GLCCI1: variants seen among roughly 807,000 people sequenced by gnomAD.
The protein encoded by GLCCI1 is glucocorticoid-induced transcript 1 protein.
GLCCI1 carries 24 observed loss-of-function variants against 52.2 expected under a neutral mutation model. The observed-to-expected ratio is 0.46, with a 90% CI of 0.33 to 0.65. The LOEUF (loss-of-function observed/expected upper bound fraction) is 0.65. GLCCI1 is among the 30% of genes least tolerant of loss of function. The pLI, the probability that GLCCI1 is intolerant of heterozygous loss-of-function variation, is 0.02. For missense variants in GLCCI1, 704 were observed against 701.5 expected, an observed-to-expected ratio of 1.00 and a Z score of -0.04; for synonymous variants, 310 against 276.5, an observed-to-expected ratio of 1.12 and a Z score of -1.20.
intron 3 of GLCCI1, among the ~76,000 whole-genome samples, chr7:8,053,362 C>T (rs1423646344): frequency 5.5e-5 from 8 of 146,562 alleles, no homozygotes; most frequent in South Asian, 2.1e-4. Context: ...CTCGCACTGT[C>T]GCCCAGGTTG....
intron 3 of GLCCI1, among the ~76,000 whole-genome samples, chr7:8,044,751 A>T (rs1023049156): frequency 2.6e-5 from 4 of 152,224 alleles, no homozygotes; most frequent in Non-Finnish European, 5.9e-5. Flanking sequence ...TGTCAGTAAA[A>T]GCACTTGTAT....
intron 1 of GLCCI1, among the ~76,000 whole-genome samples, chr7:8,000,125 G>A (rs1167220412): frequency 6.6e-6 from 1 of 152,144 alleles, no homozygotes; most frequent in Admixed American, 6.6e-5. Context: ...AAATTTAGAG[G>A]TCAACTGATA....
intron 2 of GLCCI1, among the ~76,000 whole-genome samples, chr7:8,011,109 ACT>A (rs1368735272): frequency 6.6e-6 from 1 of 151,428 alleles, no homozygotes; most frequent in Non-Finnish European, 1.5e-5. Context: ...ACAGAGTGAG[ACT>A]CTGTCTCCTC....
intron 5 of GLCCI1, among the ~76,000 whole-genome samples, chr7:8,060,449 C>T (rs1447499564): frequency 1.3e-5 from 2 of 152,080 alleles, no homozygotes; most frequent in African/African-American, 4.8e-5. Flanking sequence ...TTTTCATCAC[C>T]CCAAAAAGAA....
chr7:7,994,938 AAC>A (rs1269979293), intron 1 of GLCCI1, among the ~76,000 whole-genome samples: 1 of 152,164 alleles, frequency 6.6e-6, no homozygotes, highest in Non-Finnish European at 1.5e-5. Context: ...TTAATACACT[AAC>A]AGTGTTTGTG....
In GLCCI1 at chr7:8,028,525, A is replaced by G. The variant is rs544571888; in HGVS notation, c.696+5956A>G. 3.0e-4 allele frequency among the ~76,000 whole-genome samples: 46 copies of G among 152,260 alleles called. 1 individual carries two copies. The highest frequency in any genetic ancestry group is 1.1e-3 in the African/African-American group (44 of 41,574). ...TCAAAAAAGAAGAAAAACTTCAAAT[A>G]AATAACCTAACAATGCATCTTAAAA... On this transcript the variant is annotated intron_variant, in intron 3 of 7. Transcript: ENST00000223145.
intron 4 of GLCCI1, among the ~76,000 whole-genome samples, chr7:8,059,833 T>C (rs1258682848): frequency 6.6e-6 from 1 of 152,248 alleles, no homozygotes; most frequent in Admixed American, 6.5e-5. Context: ...TCTGCCATTC[T>C]ACTGAACAAG....
At chr7:7,972,463 A>G (rs1041007347) in intron 1 of GLCCI1, among the ~76,000 whole-genome samples, 11 of 152,236 alleles carry the variant, frequency 7.2e-5, no homozygotes, top group Non-Finnish European at 1.5e-4. Context: ...TGCAAGGGCT[A>G]TGGGCATTTC....
intron 1 of GLCCI1, among the ~76,000 whole-genome samples, chr7:7,997,389 G>A (rs1053966771): frequency 1.3e-5 from 2 of 152,124 alleles, no homozygotes; most frequent in African/African-American, 4.8e-5. Flanking sequence ...TAGCCTTAGT[G>A]AACCAATAGC....
chr7:7,969,437 G>C lies in GLCCI1; in HGVS notation c.87G>C (p.Gly29=). The change falls in exon 1 of 8, where the codon GGG becomes GGC. Residue 29 remains glycine (G), a synonymous_variant. Coordinates refer to ENST00000223145, the MANE Select transcript of GLCCI1 (RefSeq NM_138426.4). This position sits in a 1 kb window ranked among gnomAD's most constrained non-coding sequence, Gnocchi z 4.9. ...PSQRMRRSAA[G]SPPAVAAAGS... is the part of the protein sequence containing the mutation. The stretch of plus-strand genomic sequence containing the variant: ...AGAGGATGAGGCGCAGCGCCGCGGG[G>C]TCCCCGCCCGCCGTCGCCGCCGCCG... 1 of 1,244,688 alleles carries C rather than the reference G, an allele frequency of 8.0e-7. No individual in the cohort carries two copies. The highest frequency in any genetic ancestry group is 1.6e-5 in the African/African-American group (1 of 62,932). 77.1% of individuals were successfully genotyped at this position (1,244,688 alleles called of 1,614,324 possible).
chr7:7,983,488 C>G (rs1780663563), intron 1 of GLCCI1, among the ~76,000 whole-genome samples: 1 of 152,088 alleles, frequency 6.6e-6, no homozygotes, highest in South Asian at 2.1e-4. Context: ...GTTTTTATAA[C>G]TCTGTATTCA....
chr7:8,012,269 A>G (rs530485963), intron 2 of GLCCI1, among the ~76,000 whole-genome samples: 1 of 151,836 alleles, frequency 6.6e-6, no homozygotes, highest in African/African-American at 2.4e-5. Context: ...GGCCATCTGT[A>G]TTTCTTTTTT....
At chr7:8,059,360 T>C (rs1782466626) in intron 4 of GLCCI1, among the ~76,000 whole-genome samples, 1 of 152,198 alleles carries the variant, frequency 6.6e-6, no homozygotes, top group Non-Finnish European at 1.5e-5. Context: ...TTATCACAGA[T>C]CATGTATGTC....
intron 2 of GLCCI1, among the ~76,000 whole-genome samples, chr7:8,010,155 A>G (rs1781236306): frequency 6.6e-6 from 1 of 152,170 alleles, no homozygotes. Context: ...CAGTCTCAAA[A>G]TGTCACCTCT....
chr7:8,047,800 G>A (rs1023314636), intron 3 of GLCCI1, among the ~76,000 whole-genome samples: 1 of 152,178 alleles, frequency 6.6e-6, no homozygotes, highest in Non-Finnish European at 1.5e-5. Flanking sequence ...AAGTTCTTCT[G>A]CCCATGATAG....
chr7:8,083,114 TTTTTTA>T (rs975313246), intron 6 of GLCCI1, among the ~76,000 whole-genome samples: 12 of 152,292 alleles, frequency 7.9e-5, no homozygotes, highest in Non-Finnish European at 1.5e-4. Context: ...CTACTTGTAT[TTTTTTA>T]TTTTTATTTT....
In GLCCI1 at chr7:8,087,960, T is replaced by A. The variant is rs1356524743; in HGVS notation, c.*1422T>A. ...TGGGAGAGCCTAACTTTCATTGTTT[T>A]CTTCAGTACAAAGAGTATCCAAAAG... is the stretch of plus-strand genomic sequence containing the variant. On this transcript the variant is annotated 3_prime_UTR_variant, in exon 8 of 8. Coordinates refer to ENST00000223145, the MANE Select transcript of GLCCI1 (RefSeq NM_138426.4). 6.6e-6 allele frequency: 1 copy of A among 152,506 alleles called. No homozygotes were observed. The highest frequency in any genetic ancestry group is 1.5e-5 in the Non-Finnish European group (1 of 68,044). The allele number at this position is 152,506 out of a possible 1,614,324, so 9.4% of individuals were successfully genotyped here.
intron 1 of GLCCI1, among the ~76,000 whole-genome samples, chr7:7,995,042 A>T (rs771915251): frequency 5.3e-5 from 8 of 152,212 alleles, no homozygotes; most frequent in Admixed American, 5.2e-4. Flanking sequence ...ATGTCTGTGT[A>T]TTTCTGTATG....
Position 8,088,856 on chromosome 7 carries a change from G to GTTGT in GLCCI1, c.*2320_*2323dup, listed in dbSNP as rs1370345898. The GTTGT allele has an allele frequency of 6.6e-6, 1 of 152,384 alleles. No individual in the cohort carries two copies. The highest frequency in any genetic ancestry group is 1.5e-5 in the Non-Finnish European group (1 of 68,042). The allele number at this position is 152,384 out of a possible 1,614,324, so 9.4% of individuals were successfully genotyped here. ...GCTTTGCCATGTAAATTTCCCAGAA[G>GTTGT]TTGTTGAGCTCAAATGTATCCTACA... On this transcript the variant is annotated 3_prime_UTR_variant, in exon 8 of 8. Coordinates refer to ENST00000223145, the MANE Select transcript of GLCCI1 (RefSeq NM_138426.4).
Sources: gnomAD v4.1 joint callset for allele counts (sites outside exome capture counted in the v4.1 genomes callset) on GRCh38, gnomAD v4.1.1 for gene constraint, Gnocchi (gnomAD v3.1) non-coding constraint, MANE v1.5 for transcripts, NCBI Gene and HGNC (gene_info 2026-07-23, HGNC 2026-07-21) for gene names.